The following TRPM6 variants were observed in gnomAD, a reference collection of about 807,000 sequenced individuals.
TRPM6 encodes the protein channel kinase 2.
Under a neutral mutation model 247.6 loss-of-function variants are expected in TRPM6, and 111 were observed. That is an observed-to-expected ratio of 0.45 (90% confidence interval 0.38 to 0.52). TRPM6 has a LOEUF of 0.52. TRPM6 is among the 20% of genes least tolerant of loss of function. TRPM6 has a pLI of 0.00. For synonymous variants in TRPM6, 892 were observed against 853.8 expected (o/e 1.04, Z -0.78); for missense variants, 2,126 against 2,421.5 (o/e 0.88, Z 2.56).
At chr9:74,797,257 A>G (rs190892253) in intron 17 of TRPM6, among the ~76,000 whole-genome samples, 29 of 152,356 alleles carry the variant, frequency 1.9e-4, no homozygotes, top group African/African-American at 6.7e-4. Flanking sequence ...ATGAAAAGGT[A>G]GCCACGCTAT....
intron 11 of TRPM6, among the ~76,000 whole-genome samples, chr9:74,815,888 A>G (rs1366453915): frequency 6.6e-6 from 1 of 152,250 alleles, no homozygotes; most frequent in Non-Finnish European, 1.5e-5. Flanking sequence ...ATACAGCCAC[A>G]ACTATAATCT....
chr9:74,853,697 A>G (rs369443246), intron 3 of TRPM6, among the ~76,000 whole-genome samples: 17 of 152,178 alleles, frequency 1.1e-4, no homozygotes, highest in East Asian at 7.8e-4. Flanking sequence ...CCTAATCTCA[A>G]GTACCCAGGG....
intron 5 of TRPM6, among the ~76,000 whole-genome samples, chr9:74,839,170 A>G (rs1829832494): frequency 6.6e-6 from 1 of 152,062 alleles, no homozygotes; most frequent in Admixed American, 6.6e-5. Flanking sequence ...GTAAGAGACA[A>G]GAGTTTATGG....
At chr9:74,793,713 G>A (rs991169626) in intron 18 of TRPM6, among the ~76,000 whole-genome samples, 1 of 152,180 alleles carries the variant, frequency 6.6e-6, no homozygotes, top group Non-Finnish European at 1.5e-5. Context: ...CATCCCCACT[G>A]ATTTATAGCA....
Position 74,820,427 on chromosome 9 carries a change from C to A in TRPM6, c.1011G>T (p.Gly337=), listed in dbSNP as rs373030184. The A allele has an allele frequency of 2.5e-6, 4 of 1,613,898 alleles. No individual in the cohort carries two copies. Among genetic ancestry groups the A allele is most frequent in the Non-Finnish European group, 3.4e-6 (4 of 1,180,014 alleles). ...CCTCTTTCACCTGAGGTCGCAGCAT[C>A]CTGGAAGAGAAATAAATGGTCTTGA... The part of the protein sequence containing the change: ...AFTHKHLADE[G]MLRPQVKEEI... The change falls in exon 9 of 39, where the codon GGG becomes GGT. Residue 337 remains glycine, a splice_region_variant and synonymous_variant. Coordinates refer to ENST00000360774, the MANE Select transcript of TRPM6 (RefSeq NM_017662.5).
intron 1 of TRPM6, among the ~76,000 whole-genome samples, chr9:74,868,261 G>C (rs11144125): frequency 6.6e-6 from 1 of 151,642 alleles, no homozygotes; most frequent in Non-Finnish European, 1.5e-5. Context: ...TAGGGAGGCC[G>C]AGGCAGGTGG....
intron 3 of TRPM6, among the ~76,000 whole-genome samples, chr9:74,848,773 A>G (rs1311347646): frequency 6.6e-6 from 1 of 152,142 alleles, no homozygotes; most frequent in Non-Finnish European, 1.5e-5. Context: ...AATTCCATGG[A>G]CTACGTAAGG....
chr9:74,801,754 T>C (rs956251265), intron 16 of TRPM6, 144 bp downstream of exon 16: 9 of 1,019,998 alleles, frequency 8.8e-6, no homozygotes, highest in Admixed American at 2.0e-5. Context: ...TTAGAATACC[T>C]GAAGACCCTT....
At chr9:74,797,026 A>G in intron 17 of TRPM6, 133 bp from the exon 18 acceptor site, 1 of 838,450 alleles carries the variant, frequency 1.2e-6, no homozygotes, top group Non-Finnish European at 1.9e-6. Context: ...GCATTTCTAT[A>G]AATAATTTTT....
intron 11 of TRPM6, among the ~76,000 whole-genome samples, chr9:74,816,095 G>A (rs908714515): frequency 1.3e-5 from 2 of 152,218 alleles, no homozygotes; most frequent in Non-Finnish European, 2.9e-5. Context: ...GCTCACGCCT[G>A]TAATTCTGGC....
intron 17 of TRPM6, among the ~76,000 whole-genome samples, chr9:74,797,892 G>A (rs774517597): frequency 1.3e-5 from 2 of 151,968 alleles, no homozygotes; most frequent in Non-Finnish European, 2.9e-5. Context: ...ATAAAATCAA[G>A]AATCTAAAAG....
chr9:74,744,403 A>G (rs1018238391), intron 31 of TRPM6, among the ~76,000 whole-genome samples: 1 of 152,106 alleles, frequency 6.6e-6, no homozygotes, highest in Non-Finnish European at 1.5e-5. Flanking sequence ...TCAAAGATGT[A>G]TTTCCTCTGA....
Position 74,762,870 on chromosome 9 carries a change from G to A in TRPM6, c.3801C>T (p.Ile1267=), listed in dbSNP as rs780240687. 9 of 1,613,700 alleles carry A rather than the reference G, an allele frequency of 5.6e-6. No homozygotes were observed. Among genetic ancestry groups the A allele is most frequent in the East Asian group, 2.2e-5 (1 of 44,882 alleles). Residue 1267 remains isoleucine (I), a synonymous_variant, in exon 26 of 39, where the codon ATC becomes ATT. Transcript: ENST00000360774. ...AATACTGGTATTTCTTCTCTCCAGCGATCTCCATGCTGCCTAGAACCTCTG... is the reference window on the plus strand; with the variant it reads ...AATACTGGTATTTCTTCTCTCCAGCAATCTCCATGCTGCCTAGAACCTCTG... The part of the protein sequence containing the change: ...ICAEVLGSME[I]AGEKKYQYYS...
In TRPM6 at chr9:74,825,809, A is replaced by C. The variant is rs1829311560; in HGVS notation, c.841+1969T>G. On this transcript the variant is annotated intron_variant, in intron 7 of 38. Coordinates refer to ENST00000360774, the MANE Select transcript of TRPM6 (RefSeq NM_017662.5). ...GGCAAAGGTCAACAGAGGCAACAGG[A>C]CATTTCAGGTAATATTTCAGGCCCC... 5.3e-5 allele frequency among the ~76,000 whole-genome samples: 8 copies of C among 152,248 alleles called. 1 individual carries two copies. In the South Asian group the frequency reaches 1.7e-3, roughly 32 times the overall value.
intron 25 of TRPM6, among the ~76,000 whole-genome samples, chr9:74,770,421 C>T (rs1826991442): frequency 6.6e-6 from 1 of 152,192 alleles, no homozygotes; most frequent in Non-Finnish European, 1.5e-5. Flanking sequence ...CATTTCATCA[C>T]ATATAGCCTT....
At chr9:74,794,744 C>A (rs544991283) in intron 18 of TRPM6, among the ~76,000 whole-genome samples, 2 of 152,034 alleles carry the variant, frequency 1.3e-5, no homozygotes, top group East Asian at 1.9e-4. Context: ...TCAAAGACAC[C>A]AATTGCTATG....
At chr9:74,791,145 A>G (rs1564016118) in intron 19 of TRPM6, among the ~76,000 whole-genome samples, 1 of 152,206 alleles carries the variant, frequency 6.6e-6, no homozygotes, top group Non-Finnish European at 1.5e-5. Context: ...TGGTATGACT[A>G]TGGTTAAAAC....
chr9:74,846,371 C>T (rs1479945531), intron 3 of TRPM6, among the ~76,000 whole-genome samples: 1 of 152,120 alleles, frequency 6.6e-6, no homozygotes, highest in East Asian at 1.9e-4. Flanking sequence ...ACCTCCTTTG[C>T]AAGAACGGCC....
chr9:74,814,882 A>T (rs1039875389), intron 11 of TRPM6, among the ~76,000 whole-genome samples: 5 of 152,142 alleles, frequency 3.3e-5, no homozygotes, highest in African/African-American at 1.2e-4. Flanking sequence ...TGGGAGGTGG[A>T]GGTTGAAGTG....
Sources: gnomAD v4.1 joint callset for allele counts (sites outside exome capture counted in the v4.1 genomes callset) on GRCh38, gnomAD v4.1.1 for gene constraint, MANE v1.5 for transcripts, NCBI Gene and HGNC (gene_info 2026-07-23, HGNC 2026-07-21) for gene names.